Variants in CTNNBL1 observed in about 807,000 individuals in gnomAD.
The protein encoded by CTNNBL1 is beta-catenin-like protein 1.
A neutral mutation model predicts 72.7 loss-of-function variants in CTNNBL1; 31 were observed. That is an observed-to-expected ratio of 0.43 (90% confidence interval 0.32 to 0.58). The LOEUF (loss-of-function observed/expected upper bound fraction) is 0.58, where lower values mean the gene tolerates loss of function less well. Among genes scored for constraint, CTNNBL1 ranks in the 20% least tolerant of loss-of-function variants. The pLI is 0.08. For synonymous variants in CTNNBL1, 240 were observed against 267.3 expected (o/e 0.90, Z 1.00); for missense variants, 534 against 725.1 (o/e 0.74, Z 3.03).
chr20:37,791,756 G>T (rs1029787313), intron 10 of CTNNBL1, among the ~76,000 whole-genome samples: 37 of 152,078 alleles, frequency 2.4e-4, no homozygotes, highest in Non-Finnish European at 8.8e-5. Context: ...GCGTGCGAGC[G>T]ATCTAAGTTG....
At chr20:37,831,892 A>C (rs556655063) in intron 11 of CTNNBL1, among the ~76,000 whole-genome samples, 4 of 152,318 alleles carry the variant, frequency 2.6e-5, no homozygotes, top group South Asian at 2.1e-4. Context: ...TACAGATCAC[A>C]CATTGTATTT....
At chr20:37,825,374 A>AAATG (rs2072150174) in intron 11 of CTNNBL1, among the ~76,000 whole-genome samples, 1 of 4,834 alleles carries the variant, frequency 2.1e-4, no homozygotes. Flanking sequence ...ATAAGAAATA[A>AAATG]AATAAAAAGA....
At chr20:37,819,379 C>G (rs1196420035) in intron 11 of CTNNBL1, among the ~76,000 whole-genome samples, 1 of 152,156 alleles carries the variant, frequency 6.6e-6, no homozygotes, top group Non-Finnish European at 1.5e-5. Flanking sequence ...TGGGTGCACA[C>G]CATCACCAAC....
chr20:37,732,403 C>T (rs6126011), intron 1 of CTNNBL1, among the ~76,000 whole-genome samples: 7 of 152,190 alleles, frequency 4.6e-5, no homozygotes, highest in Non-Finnish European at 4.4e-5. Context: ...GGTGCTAAGA[C>T]GCTGGCATTG....
intron 1 of CTNNBL1, among the ~76,000 whole-genome samples, chr20:37,722,910 A>G (rs1181282551): frequency 2.0e-5 from 3 of 152,242 alleles, no homozygotes; most frequent in Admixed American, 6.5e-5. Flanking sequence ...CTTTTAGCTC[A>G]GTAAATACTT....
At chr20:37,745,550 G>C (rs548653025) in intron 3 of CTNNBL1, among the ~76,000 whole-genome samples, 154 of 152,298 alleles carry the variant, frequency 1.0e-3, no homozygotes, top group African/African-American at 3.6e-3. Flanking sequence ...GTGGCCCTGT[G>C]AGACAGATAA....
intron 13 of CTNNBL1, among the ~76,000 whole-genome samples, chr20:37,859,234 G>C (rs1240678836): frequency 6.6e-6 from 1 of 152,006 alleles, no homozygotes; most frequent in African/African-American, 2.4e-5. Context: ...GCACGTGCCT[G>C]TAATCCCAGC....
chr20:37,840,283 G>GGACCACTCAACCC, intron 12 of CTNNBL1, 84 bp downstream of exon 12: 1 of 1,022,814 alleles, frequency 9.8e-7, no homozygotes, highest in Non-Finnish European at 1.5e-6. Flanking sequence ...ATACTGGGTT[G>GGACCACTCAACCC]AGTGGTCCTA....
At position 37,779,334 on chromosome 20, in the gene CTNNBL1, A is replaced by C; in HGVS notation, c.1030A>C (p.Arg344=). 1 of 1,613,158 alleles carries C rather than the reference A, an allele frequency of 6.2e-7. No individual in the cohort carries two copies. The highest frequency in any genetic ancestry group is 8.5e-7 in the Non-Finnish European group (1 of 1,179,296). The change falls in exon 10 of 16, where the codon AGG becomes CGG. Residue 344 remains arginine, a splice_region_variant and synonymous_variant. Transcript: ENST00000361383. ...TCTTCAGCTGATGAATCTCATGCTC[A>C]GGTATGTTTCGAATGCCCTAGTTCT... ...EGLQLMNLML[R]EKKISRSSAL...
At chr20:37,763,746 GTAGAGT>G (rs974396987) in intron 5 of CTNNBL1, among the ~76,000 whole-genome samples, 193 of 152,300 alleles carry the variant, frequency 1.3e-3, no homozygotes, top group African/African-American at 4.4e-3. Flanking sequence ...ATGGGAAAAA[GTAGAGT>G]TGGAGTTGGG....
intron 5 of CTNNBL1, among the ~76,000 whole-genome samples, chr20:37,764,054 C>T (rs1409738051): frequency 6.6e-6 from 1 of 152,148 alleles, no homozygotes; most frequent in Non-Finnish European, 1.5e-5. Context: ...AATAATCAGG[C>T]ATCAACAGGG....
chr20:37,719,280 T>C (rs1453841814), intron 1 of CTNNBL1, among the ~76,000 whole-genome samples: 8 of 152,206 alleles, frequency 5.3e-5, no homozygotes. Context: ...CATTTGCTAA[T>C]AGTAAATTAT....
At chr20:37,744,709 G>C (rs1038518102) in intron 3 of CTNNBL1, 4 of 152,186 alleles carry the variant, frequency 2.6e-5, no homozygotes, top group African/African-American at 7.2e-5. Context: ...ATAGCAGTTT[G>C]TCAGGTATTG....
intron 13 of CTNNBL1, among the ~76,000 whole-genome samples, chr20:37,844,686 A>G (rs1275194746): frequency 6.6e-6 from 1 of 152,116 alleles, no homozygotes; most frequent in Non-Finnish European, 1.5e-5. Flanking sequence ...CTACCTTTTT[A>G]GGGTAGGCCA....
At chr20:37,836,759 C>A (rs2072257992) in intron 11 of CTNNBL1, among the ~76,000 whole-genome samples, 1 of 152,214 alleles carries the variant, frequency 6.6e-6, no homozygotes, top group African/African-American at 2.4e-5. Context: ...AGGGAGTAAT[C>A]TGAAGTTTGA....
At chr20:37,743,910 A>G (rs951320095) in intron 3 of CTNNBL1, among the ~76,000 whole-genome samples, 1 of 151,884 alleles carries the variant, frequency 6.6e-6, no homozygotes, top group South Asian at 2.1e-4. Context: ...TGCTCAGGAT[A>G]CATGTAAAAT....
At chr20:37,825,462 G>T (rs2072151311) in intron 11 of CTNNBL1, among the ~76,000 whole-genome samples, 1 of 152,078 alleles carries the variant, frequency 6.6e-6, no homozygotes, top group South Asian at 2.1e-4. Context: ...ATCACTTGAA[G>T]TCAGGAGTTC....
At chr20:37,766,175 CTG>C (rs1221034182) in intron 6 of CTNNBL1, among the ~76,000 whole-genome samples, 1 of 152,140 alleles carries the variant, frequency 6.6e-6, no homozygotes, top group Non-Finnish European at 1.5e-5. Context: ...ACACAACACT[CTG>C]TAATTTGGGT....
At chr20:37,725,575 AG>A (rs1473697399) in intron 1 of CTNNBL1, among the ~76,000 whole-genome samples, 5 of 113,704 alleles carry the variant, frequency 4.4e-5, no homozygotes, top group African/African-American at 1.7e-4. Flanking sequence ...CTGGCATTAC[AG>A]GCATGAGCCA....
Sources: gnomAD v4.1 joint callset for allele counts (sites outside exome capture counted in the v4.1 genomes callset) on GRCh38, gnomAD v4.1.1 for gene constraint, MANE v1.5 for transcripts, NCBI Gene and HGNC (gene_info 2026-07-23, HGNC 2026-07-21) for gene names.